Variants in NAP1L4 observed in about 807,000 individuals in gnomAD.
NAP1L4 encodes the protein nucleosome assembly protein 1 like 4.
NAP1L4 carries 15 observed loss-of-function variants against 58.2 expected under a neutral mutation model. The observed-to-expected ratio is 0.26, with a 90% CI of 0.17 to 0.40. NAP1L4 has a LOEUF of 0.40. Ranked by LOEUF, NAP1L4 falls within the 10% of genes least tolerant of loss-of-function variation. The pLI, the probability that NAP1L4 is intolerant of heterozygous loss-of-function variation, is 1.00. For missense variants in NAP1L4, 384 were observed against 451.1 expected (o/e 0.85, Z 1.35); for synonymous variants, 171 against 155.6 (o/e 1.10, Z -0.74).
intron 4 of NAP1L4, among the ~76,000 whole-genome samples, chr11:2,972,861 C>G (rs1847728217): frequency 6.6e-6 from 1 of 152,120 alleles, no homozygotes; most frequent in Non-Finnish European, 1.5e-5. Flanking sequence ...GTCCCAGCTA[C>G]TCAGGAGGCT....
Position 2,951,191 on chromosome 11 carries a change from G to T in NAP1L4, c.1122+68C>A. The T allele has an allele frequency of 8.0e-7, 1 of 1,249,026 alleles. No homozygotes were observed. Among genetic ancestry groups the T allele is most frequent in the South Asian group, 1.3e-5 (1 of 79,964 alleles). 77.4% of individuals were successfully genotyped at this position (1,249,026 alleles called of 1,614,324 possible). Reference sequence around the variant, plus strand: ...TTGTTAACACTACTGCCTCAAAGTGGGGAACATTTTTAAAAGTCTAAGAGT... The same window carrying T: ...TTGTTAACACTACTGCCTCAAAGTGTGGAACATTTTTAAAAGTCTAAGAGT... On this transcript the variant is annotated intron_variant, in intron 14 of 15. Transcript: ENST00000380542. This position sits in a 1 kb window ranked among gnomAD's most constrained non-coding sequence, Gnocchi z 4.0.
chr11:2,975,928 C>A, intron 4 of NAP1L4, 96 bp downstream of exon 4: 2 of 1,093,460 alleles, frequency 1.8e-6, no homozygotes, highest in Non-Finnish European at 2.6e-6. Context: ...ACGAAAAAAA[C>A]ATTTAATCCT....
intron 5 of NAP1L4, 31 bp downstream of exon 5, chr11:2,972,071 A>G: frequency 6.6e-7 from 1 of 1,509,702 alleles, no homozygotes. Flanking sequence ...GCTGAAAACT[A>G]TCTGTATATT....
Position 2,959,532 on chromosome 11 carries a change from C to G in NAP1L4, c.746+238G>C, listed in dbSNP as rs1846734470. 6.6e-6 allele frequency among the ~76,000 whole-genome samples: 1 copy of G among 152,232 alleles called. No homozygotes were observed. Among genetic ancestry groups the G allele is most frequent in the Non-Finnish European group, 1.5e-5 (1 of 68,044 alleles). ...AAAATGAAGAAACAGGGCACTATCC[C>G]AAAGGCTTGCATGTGCAACCACGTG... On this transcript the variant is annotated intron_variant, in intron 9 of 15. Transcript: ENST00000380542. This position sits in a 1 kb window ranked among gnomAD's most constrained non-coding sequence, Gnocchi z 4.9.
chr11:2,946,435 T>C lies in NAP1L4; in HGVS notation c.*33-789A>G, dbSNP rs1026730829. 2.0e-5 allele frequency among the ~76,000 whole-genome samples: 3 copies of C among 152,222 alleles called. No homozygotes were observed. The highest frequency in any genetic ancestry group is 4.8e-5 in the African/African-American group (2 of 41,462). On this transcript the variant is annotated intron_variant, in intron 15 of 15. Transcript: ENST00000380542. This position sits in a 1 kb window ranked among gnomAD's most constrained non-coding sequence, Gnocchi z 4.8. ...CATGAATTTGTGTGGAGGCCAACAA[T>C]AGCCTAAGAAATACATCACGATCTT...
At position 2,964,757 on chromosome 11, in the gene NAP1L4, C is replaced by A. The variant is rs772323420; in HGVS notation, c.535-6G>T. On this transcript the variant is annotated splice_polypyrimidine_tract_variant and splice_region_variant and intron_variant, in intron 7 of 15. Transcript: ENST00000380542. ...AAGATTGGTTCATCATATTCCTAATCAAAAAGAGAAAAAAAATTCCAACAG... is the reference window on the plus strand; with the variant it reads ...AAGATTGGTTCATCATATTCCTAATAAAAAAGAGAAAAAAAATTCCAACAG... 1.2e-6 allele frequency: 2 copies of A among 1,607,340 alleles called. No individual in the cohort carries two copies. Among genetic ancestry groups the A allele is most frequent in the Non-Finnish European group, 1.7e-6 (2 of 1,175,516 alleles).
At position 2,954,720 on chromosome 11, in the gene NAP1L4, C is replaced by A. The variant is rs765079633; in HGVS notation, c.916-74G>T. Reference sequence around the variant, plus strand: ...ATTCACTTCACCACCCTCAGCCAAACCTCAGCCCCTCACTTTTGATTTACT... The same window carrying A: ...ATTCACTTCACCACCCTCAGCCAAAACTCAGCCCCTCACTTTTGATTTACT... On this transcript the variant is annotated intron_variant, in intron 11 of 15. Transcript: ENST00000380542. The surrounding 1 kb of genome is among the most constrained non-coding windows in gnomAD (Gnocchi z 4.8). The A allele has an allele frequency of 2.5e-5, 39 of 1,585,458 alleles. No individual in the cohort carries two copies. In the African/African-American group the frequency reaches 4.4e-4, roughly 18 times the overall value.
chr11:2,961,501 T>TA (rs34999812), intron 8 of NAP1L4, among the ~76,000 whole-genome samples: 38,373 of 138,736 alleles, frequency 0.28, 6,694 homozygotes, highest in East Asian at 0.68. Flanking sequence ...CTCCACGGCT[T>TA]AAAAAAAAAA....
Position 2,978,281 on chromosome 11 carries a change from G to C in NAP1L4, c.73+3C>G, listed in dbSNP as rs1393050139. The C allele has an allele frequency of 3.7e-6, 6 of 1,613,768 alleles. No homozygotes were observed. In the East Asian group the frequency reaches 8.9e-5, roughly 24 times the overall value. On this transcript the variant is annotated splice_donor_region_variant and intron_variant, in intron 3 of 15. Transcript: ENST00000380542. ...GCAAACTCTCCATGTGCAGTGGACT[G>C]ACCTGTGTTACTTGCATTTTTAGCA...
At chr11:2,963,716 C>A in intron 8 of NAP1L4, 10 of 517,710 alleles carry the variant, frequency 1.9e-5, no homozygotes, top group Non-Finnish European at 3.1e-5. Flanking sequence ...TGGCCCCAGG[C>A]CCCTACCACC....
chr11:2,978,283 C>G lies in NAP1L4; in HGVS notation c.73+1G>C. On this transcript the variant is annotated splice_donor_variant, in intron 3 of 15. Transcript: ENST00000380542. LOFTEE classifies it high-confidence loss of function. ...AAACTCTCCATGTGCAGTGGACTGACCTGTGTTACTTGCATTTTTAGCAGC... is the reference window on the plus strand; with the variant it reads ...AAACTCTCCATGTGCAGTGGACTGAGCTGTGTTACTTGCATTTTTAGCAGC... 1 of 1,613,972 alleles carries G rather than the reference C, an allele frequency of 6.2e-7. No individual in the cohort carries two copies. Among genetic ancestry groups the G allele is most frequent in the East Asian group, 2.2e-5 (1 of 44,870 alleles).
intron 8 of NAP1L4, among the ~76,000 whole-genome samples, chr11:2,962,472 C>G (rs2133940769): frequency 6.6e-6 from 1 of 152,328 alleles, no homozygotes; most frequent in South Asian, 2.1e-4. Context: ...AAACACCAGT[C>G]AAGACTCATT....
intron 1 of NAP1L4, chr11:2,989,824 G>A (rs931914231): frequency 1.3e-5 from 2 of 152,158 alleles, no homozygotes; most frequent in African/African-American, 2.4e-5. Context: ...CCCATCCGCA[G>A]GTACTTAACC....
At chr11:2,986,696 G>A (rs139009111) in intron 1 of NAP1L4, among the ~76,000 whole-genome samples, 26,318 of 148,270 alleles carry the variant, frequency 0.18, 2,894 homozygotes, top group South Asian at 0.34. Context: ...GCGCGATCTC[G>A]GCTCACTGCA....
intron 1 of NAP1L4, among the ~76,000 whole-genome samples, chr11:2,987,886 G>A (rs1848739097): frequency 6.6e-6 from 1 of 152,054 alleles, no homozygotes. Context: ...GACTCGGGAT[G>A]AGACTGGTTG....
At position 2,951,224 on chromosome 11, in the gene NAP1L4, A is replaced by C. The variant is rs376254394; in HGVS notation, c.1122+35T>G. On this transcript the variant is annotated intron_variant, in intron 14 of 15. Transcript: ENST00000380542. The surrounding 1 kb of genome is among the most constrained non-coding windows in gnomAD (Gnocchi z 4.0). Reference sequence around the variant, plus strand: ...TTTTAAAAGTCTAAGAGTGCAGCATAATAAGTAGGTCTGGGTGGCCCCAAA... The same window carrying C: ...TTTTAAAAGTCTAAGAGTGCAGCATCATAAGTAGGTCTGGGTGGCCCCAAA... The C allele has an allele frequency of 3.8e-6, 6 of 1,571,708 alleles. No individual in the cohort carries two copies. In the African/African-American group the frequency reaches 6.8e-5, roughly 18 times the overall value.
intron 3 of NAP1L4, among the ~76,000 whole-genome samples, chr11:2,977,188 C>T (rs1848015763): frequency 1.3e-5 from 2 of 152,338 alleles, no homozygotes. Flanking sequence ...TGAATGGGTG[C>T]TAAAACCTCC....
chr11:2,961,822 A>C (rs958307529), intron 8 of NAP1L4, among the ~76,000 whole-genome samples: 1 of 152,162 alleles, frequency 6.6e-6, no homozygotes, highest in Non-Finnish European at 1.5e-5. Flanking sequence ...ATGAGCTACC[A>C]CACCCAGCCT....
chr11:2,982,265 A>G (rs539926441), intron 1 of NAP1L4, among the ~76,000 whole-genome samples: 34 of 152,338 alleles, frequency 2.2e-4, no homozygotes, highest in Non-Finnish European at 4.0e-4. Flanking sequence ...ACAGTTACAC[A>G]ATAACATCAA....
Sources: allele counts gnomAD v4.1 joint callset (sites outside exome capture counted in the v4.1 genomes callset), GRCh38; gene constraint gnomAD v4.1.1; non-coding constraint Gnocchi (gnomAD v3.1); transcripts MANE v1.5; gene names NCBI Gene and HGNC (gene_info 2026-07-23, HGNC 2026-07-21).